Variants in GABRR2 observed in about 807,000 individuals in gnomAD.
GABRR2 encodes the protein gamma-aminobutyric acid receptor subunit rho-2.
Under a neutral mutation model 47.0 loss-of-function variants are expected in GABRR2, and 36 were observed. That is an observed-to-expected ratio of 0.77 (90% CI 0.59 to 1.01). The LOEUF (loss-of-function observed/expected upper bound fraction) is 1.01. Among genes scored for constraint, GABRR2 ranks in the 50% least tolerant of loss-of-function variants. The probability of loss-of-function intolerance (pLI) is 0.00; values close to 1 mark genes in which losing one functional copy is unlikely to be tolerated. For missense variants in GABRR2, 587 were observed against 594.6 expected (o/e 0.99, Z 0.13); for synonymous variants, 204 against 227.5 (o/e 0.90, Z 0.93).
chr6:89,267,000 T>TTC (rs1491238353), intron 6 of GABRR2, among the ~76,000 whole-genome samples: 3 of 41,824 alleles, frequency 7.2e-5, no homozygotes, highest in Admixed American at 1.9e-4. Flanking sequence ...TCTTTTCTTC[T>TTC]TTTTTTTTTT....
intron 2 of GABRR2, among the ~76,000 whole-genome samples, chr6:89,295,699 G>T (rs1181180848): frequency 1.3e-5 from 2 of 151,906 alleles, no homozygotes; most frequent in Non-Finnish European, 2.9e-5. Flanking sequence ...TGAAGTCCTT[G>T]CCCATGCCTA....
chr6:89,311,821 CGG>C (rs1467050530), intron 1 of GABRR2, among the ~76,000 whole-genome samples: 1 of 152,146 alleles, frequency 6.6e-6, no homozygotes, highest in East Asian at 1.9e-4. Context: ...GCTGGAGAAA[CGG>C]AGGTTCAGAG....
intron 1 of GABRR2, among the ~76,000 whole-genome samples, chr6:89,307,384 T>C (rs1229231151): frequency 1.3e-5 from 2 of 152,240 alleles, no homozygotes; most frequent in African/African-American, 2.4e-5. Flanking sequence ...GCTAGACCTA[T>C]GATTCTCAAA....
At chr6:89,283,031 C>G (rs1303546694) in intron 2 of GABRR2, among the ~76,000 whole-genome samples, 1 of 152,250 alleles carries the variant, frequency 6.6e-6, no homozygotes, top group Non-Finnish European at 1.5e-5. Flanking sequence ...ATTCAGCTTT[C>G]TAAGGCTCAC....
intron 2 of GABRR2, among the ~76,000 whole-genome samples, chr6:89,282,277 A>G (rs1211457035): frequency 6.6e-6 from 1 of 151,610 alleles, no homozygotes; most frequent in Non-Finnish European, 1.5e-5. Context: ...CGTGCATTTG[A>G]CCTCTATGTC....
intron 2 of GABRR2, among the ~76,000 whole-genome samples, chr6:89,277,862 C>CGGGGGG (rs1407422489): frequency 6.7e-4 from 1 of 1,498 alleles, no homozygotes; most frequent in Admixed American, 7.2e-3. Context: ...CAGTGGTGGG[C>CGGGGGG]GGGGGTGGGG....
At chr6:89,282,703 A>G (rs1343521305) in intron 2 of GABRR2, among the ~76,000 whole-genome samples, 1 of 152,226 alleles carries the variant, frequency 6.6e-6, no homozygotes, top group African/African-American at 2.4e-5. Context: ...ATCCAACAGC[A>G]GCCCAAGCCC....
In GABRR2 at chr6:89,264,582, T is replaced by C. The variant is rs745803811; in HGVS notation, c.916A>G (p.Thr306Ala). The C allele has an allele frequency of 1.9e-6, 3 of 1,613,956 alleles. No individual in the cohort carries two copies. Among genetic ancestry groups the C allele is most frequent in the Non-Finnish European group, 2.5e-6 (3 of 1,179,994 alleles). Residue 306 changes from threonine to alanine, a missense_variant, in exon 8 of 9, where the codon ACC (threonine) becomes GCC (alanine). Coordinates refer to ENST00000402938, the MANE Select transcript of GABRR2 (RefSeq NM_002043.5). ...LGITTVLTMT[T>A]IITGVNASMP... is the part of the protein sequence containing the mutation. The stretch of plus-strand genomic sequence containing the variant: ...GAGGCATTCACGCCCGTGATGATGG[T>C]GGTCATGGTCAGCACCGTCGTGATA...
At chr6:89,277,868 T>G (rs867646504) in intron 2 of GABRR2, among the ~76,000 whole-genome samples, 72 of 84,442 alleles carry the variant, frequency 8.5e-4, no homozygotes, top group Non-Finnish European at 1.1e-3. Flanking sequence ...TGGGCGGGGG[T>G]GGGGGGGGGT....
At chr6:89,267,263 T>G (rs1773920039) in intron 6 of GABRR2, among the ~76,000 whole-genome samples, 1 of 152,154 alleles carries the variant, frequency 6.6e-6, no homozygotes, top group African/African-American at 2.4e-5. Context: ...TAGGCTACAT[T>G]ATTTTAATAA....
At chr6:89,270,569 C>G (rs1774026646) in intron 3 of GABRR2, 1 of 152,270 alleles carries the variant, frequency 6.6e-6, no homozygotes, top group Non-Finnish European at 1.5e-5. Context: ...ACTGTCATAC[C>G]TGCACCTTTC....
intron 1 of GABRR2, among the ~76,000 whole-genome samples, chr6:89,309,982 C>T (rs1247670980): frequency 6.8e-6 from 1 of 146,092 alleles, no homozygotes; most frequent in Non-Finnish European, 1.5e-5. Flanking sequence ...CAGGGTCTCA[C>T]TATGTTACTC....
chr6:89,300,011 G>A, intron 1 of GABRR2, 146 bp from the exon 2 acceptor site: 1 of 613,934 alleles, frequency 1.6e-6, no homozygotes, highest in Non-Finnish European at 3.0e-6. Flanking sequence ...GAGGGCTGAA[G>A]GACCCTCCAC....
At chr6:89,287,518 C>A (rs1217856974) in intron 2 of GABRR2, among the ~76,000 whole-genome samples, 1 of 152,266 alleles carries the variant, frequency 6.6e-6, no homozygotes, top group South Asian at 2.1e-4. Flanking sequence ...GCGTCTGGAG[C>A]CTTTGCAGTG....
At chr6:89,270,312 C>T (rs1232663741) in intron 3 of GABRR2, 1 of 152,222 alleles carries the variant, frequency 6.6e-6, no homozygotes, top group Non-Finnish European at 1.5e-5. Flanking sequence ...TTGGATGTTA[C>T]CTACCTACTG....
intron 2 of GABRR2, among the ~76,000 whole-genome samples, chr6:89,287,124 C>T (rs1372906615): frequency 6.6e-6 from 1 of 152,160 alleles, no homozygotes. Flanking sequence ...GGACCAGAGG[C>T]GCGGCAACCG....
intron 2 of GABRR2, among the ~76,000 whole-genome samples, chr6:89,286,986 C>T (rs1774343873): frequency 6.6e-6 from 1 of 152,192 alleles, no homozygotes. Flanking sequence ...CAATGAAGCA[C>T]TAACCTCACC....
intron 8 of GABRR2, among the ~76,000 whole-genome samples, chr6:89,263,830 T>C (rs1401779150): frequency 1.3e-5 from 2 of 152,230 alleles, no homozygotes; most frequent in African/African-American, 4.8e-5. Flanking sequence ...GCAGATAGTA[T>C]AGTATTTCCA....
chr6:89,275,383 C>A (rs1774140451), intron 2 of GABRR2, among the ~76,000 whole-genome samples: 1 of 152,166 alleles, frequency 6.6e-6, no homozygotes, highest in Non-Finnish European at 1.5e-5. Context: ...AAGCGATTCT[C>A]ATGCCTCAGC....
Sources: allele counts gnomAD v4.1 joint callset (sites outside exome capture counted in the v4.1 genomes callset), GRCh38; gene constraint gnomAD v4.1.1; transcripts MANE v1.5; gene names NCBI Gene and HGNC (gene_info 2026-07-23, HGNC 2026-07-21).